MAGED1: variants seen among roughly 807,000 people sequenced by gnomAD.
MAGED1 encodes MAGE family member D1.
Under a neutral mutation model 54.1 loss-of-function variants are expected in MAGED1, and 3 were observed. That is an observed-to-expected ratio of 0.06 (90% CI 0.03 to 0.14). MAGED1 has a LOEUF of 0.14. MAGED1 is among the 10% of genes least tolerant of loss of function. The probability of loss-of-function intolerance (pLI) is 1.00; values close to 1 mark genes in which losing one functional copy is unlikely to be tolerated. For synonymous variants in MAGED1, 217 were observed against 227.3 expected, an observed-to-expected ratio of 0.95 and a Z score of 0.41; for missense variants, 485 against 623.4, an observed-to-expected ratio of 0.78 and a Z score of 2.36.
chrX:51,827,261 A>G (rs1388583043), intron 1 of MAGED1, among the ~76,000 whole-genome samples: 2 of 98,157 alleles, frequency 2.0e-5, no homozygotes, highest in Admixed American at 2.1e-4. Context: ...CCCTGTCTCA[A>G]AAAAACAAAG....
At position 51,842,555 on chromosome X, in the gene MAGED1, G is replaced by A. The variant is rs1926535789; in HGVS notation, c.-37+39438G>A. On this transcript the variant is annotated intron_variant, in intron 1 of 12. Coordinates refer to the MAGED1 transcript ENST00000375772. The stretch of plus-strand genomic sequence containing the variant: ...TGTTAATGGTGTTCCTATGAGATGA[G>A]GTCAGGCTATCAGAAGCTCATACAG... Among the ~76,000 whole-genome samples the A allele has an allele frequency of 5.4e-5, 6 of 111,728 alleles. No individual in the cohort carries two copies. In the South Asian group the frequency reaches 2.3e-3, roughly 42 times the overall value.
chrX:51,816,519 T>A (rs1925432501), intron 1 of MAGED1, among the ~76,000 whole-genome samples: 1 of 111,864 alleles, frequency 8.9e-6, no homozygotes, highest in African/African-American at 3.3e-5. Flanking sequence ...TGTGTTAAAA[T>A]TGCCTACAGT....
chrX:51,808,570 A>G (rs782566080), intron 1 of MAGED1, among the ~76,000 whole-genome samples: 5 of 111,449 alleles, frequency 4.5e-5, no homozygotes, highest in African/African-American at 1.3e-4. Context: ...TTAGCTGGAC[A>G]TGGTGGCATG....
At chrX:51,855,535 T>C (rs1180681497) in intron 1 of MAGED1, among the ~76,000 whole-genome samples, 1 of 111,598 alleles carries the variant, frequency 9.0e-6, no homozygotes, top group East Asian at 2.8e-4. Flanking sequence ...CCTTGGCATG[T>C]AGATGGCCGT....
At chrX:51,803,900 G>GT (rs1924945905) in intron 1 of MAGED1, among the ~76,000 whole-genome samples, 1 of 110,293 alleles carries the variant, frequency 9.1e-6, no homozygotes, top group Non-Finnish European at 1.9e-5. Flanking sequence ...CAGCTTCAGC[G>GT]TAAGCTTTCC....
intron 1 of MAGED1, among the ~76,000 whole-genome samples, chrX:51,824,134 G>A (rs782082458): frequency 9.0e-6 from 1 of 111,364 alleles, no homozygotes; most frequent in Non-Finnish European, 1.9e-5. Flanking sequence ...ATGATTTCAC[G>A]TTACTATCTA....
chrX:51,813,180 T>G (rs1165723651), intron 1 of MAGED1, among the ~76,000 whole-genome samples: 1 of 109,026 alleles, frequency 9.2e-6, no homozygotes, highest in Non-Finnish European at 1.9e-5. Flanking sequence ...TGTGCCACCA[T>G]GCCTGGCTAA....
At chrX:51,843,640 G>C (rs1158373604) in intron 1 of MAGED1, among the ~76,000 whole-genome samples, 2 of 111,749 alleles carry the variant, frequency 1.8e-5, no homozygotes, top group Non-Finnish European at 3.8e-5. Context: ...AGAATTATAA[G>C]ATGATAAATT....
At chrX:51,805,687 A>G (rs949397243) in intron 1 of MAGED1, among the ~76,000 whole-genome samples, 4 of 108,849 alleles carry the variant, frequency 3.7e-5, no homozygotes, top group East Asian at 2.9e-4. Context: ...GAAGAGTACA[A>G]TGAAAACTTT....
At chrX:51,855,245 A>G (rs1250485200) in intron 1 of MAGED1, among the ~76,000 whole-genome samples, 1 of 112,366 alleles carries the variant, frequency 8.9e-6, no homozygotes. Flanking sequence ...CGTATTTTAC[A>G]TTATAAAAGT....
At chrX:51,850,373 CAGTT>C (rs1485830462) in intron 1 of MAGED1, among the ~76,000 whole-genome samples, 1 of 112,320 alleles carries the variant, frequency 8.9e-6, no homozygotes, top group Admixed American at 9.4e-5. Flanking sequence ...GTGGTGATTT[CAGTT>C]AGTTGACCAC....
intron 10 of MAGED1, chrX:51,899,968 A>G (rs1770089252): frequency 2.7e-6 from 1 of 364,364 alleles, no homozygotes; most frequent in South Asian, 3.9e-5. Flanking sequence ...GTGACCCTAT[A>G]CAAGCCTCGC....
At chrX:51,894,244 A>ACT in intron 1 of MAGED1, 25 bp from the exon 2 acceptor site, 1 of 993,229 alleles carries the variant, frequency 1.0e-6, no homozygotes. Flanking sequence ...CCTCTGTAGT[A>ACT]TAACGCCCTG....
intron 1 of MAGED1, among the ~76,000 whole-genome samples, chrX:51,806,603 C>T (rs1250610410): frequency 2.7e-5 from 3 of 111,365 alleles, no homozygotes; most frequent in Non-Finnish European, 5.7e-5. Flanking sequence ...TTGTTGTTTT[C>T]ATTTTCAGCT....
At chrX:51,870,157 T>A (rs782610062) in intron 1 of MAGED1, among the ~76,000 whole-genome samples, 2 of 111,971 alleles carry the variant, frequency 1.8e-5, no homozygotes, top group Non-Finnish European at 3.8e-5. Flanking sequence ...TTTACTGCAA[T>A]TTTAGAGTGA....
chrX:51,896,810 A>T lies in MAGED1; in HGVS notation c.1155A>T (p.Gly385=). 8.3e-7 allele frequency: 1 copy of T among 1,207,495 alleles called. No homozygotes were observed. ...QNPPGWQTPP[G]WQTPPGWQGP... ...CACCTGGATGGCAGACTCCACCTGGATGGCAGACCCCACCGGGCTGGCAGG... is the reference window on the plus strand; with the variant it reads ...CACCTGGATGGCAGACTCCACCTGGTTGGCAGACCCCACCGGGCTGGCAGG... The change falls in exon 4 of 13, where the codon GGA becomes GGT. Residue 385 remains glycine, a synonymous_variant. Transcript: ENST00000326587.
intron 1 of MAGED1, among the ~76,000 whole-genome samples, chrX:51,875,958 G>A (rs1249467433): frequency 8.9e-6 from 1 of 111,744 alleles, no homozygotes; most frequent in African/African-American, 3.3e-5. Flanking sequence ...ACTATAGTAA[G>A]TGTTAGAGTA....
intron 1 of MAGED1, among the ~76,000 whole-genome samples, chrX:51,832,322 A>C (rs187951190): frequency 9.0e-6 from 1 of 111,609 alleles, no homozygotes; most frequent in African/African-American, 3.3e-5. Context: ...GAGCCACTGC[A>C]CTCGATCTCC....
chrX:51,850,066 C>T (rs1253583569), intron 1 of MAGED1, among the ~76,000 whole-genome samples: 2 of 110,518 alleles, frequency 1.8e-5, no homozygotes, highest in South Asian at 4.0e-4. Context: ...ACTACAGGTG[C>T]GCAACACCAC....
Sources: allele counts gnomAD v4.1 joint callset (sites outside exome capture counted in the v4.1 genomes callset), GRCh38; gene constraint gnomAD v4.1.1; transcripts MANE v1.5; gene names NCBI Gene and HGNC (gene_info 2026-07-23, HGNC 2026-07-21).